Variants in CRB1 observed in about 807,000 individuals in gnomAD.
CRB1 encodes crumbs cell polarity complex component 1.
Under a neutral mutation model 120.0 loss-of-function variants are expected in CRB1, and 83 were observed. The ratio of observed to expected loss-of-function variants is 0.69; its 90% CI spans 0.58 to 0.83. The LOEUF (loss-of-function observed/expected upper bound fraction) is 0.83, where lower values mean the gene tolerates loss of function less well. Ranked by LOEUF, CRB1 falls within the 40% of genes least tolerant of loss-of-function variation. The pLI is 0.00. For missense variants in CRB1, 1,699 were observed against 1,687.6 expected, an observed-to-expected ratio of 1.01 and a Z score of -0.12; for synonymous variants, 625 against 612.5, an observed-to-expected ratio of 1.02 and a Z score of -0.30.
chr1:197,287,754 C>T lies in CRB1; in HGVS notation c.70+19272C>T, dbSNP rs118153306. Among the ~76,000 whole-genome samples the T allele has an allele frequency of 7.7e-4, 117 of 151,958 alleles. 2 individuals carry two copies. The East Asian group carries it at 0.022, about 29-fold the overall frequency. The stretch of plus-strand genomic sequence containing the variant: ...AATGATCCACCTGGAATTATTTCCT[C>T]CTTAGCTACACAAACAGGTAAAAAC... On this transcript the variant is annotated intron_variant, in intron 1 of 11. Transcript: ENST00000367400.
intron 5 of CRB1, among the ~76,000 whole-genome samples, chr1:197,416,146 T>C (rs1663989551): frequency 6.6e-6 from 1 of 152,152 alleles, no homozygotes; most frequent in Non-Finnish European, 1.5e-5. Flanking sequence ...ATCATTTAGT[T>C]TTTCACAAAT....
intron 5 of CRB1, chr1:197,364,126 A>G: frequency 2.5e-6 from 2 of 810,322 alleles, no homozygotes; most frequent in Non-Finnish European, 3.8e-6. Context: ...TGGATGGGAC[A>G]CCCAGTATGA....
chr1:197,380,426 G>A (rs905971058), intron 5 of CRB1, among the ~76,000 whole-genome samples: 1 of 152,048 alleles, frequency 6.6e-6, no homozygotes, highest in Admixed American at 6.6e-5. Flanking sequence ...ATCCAGCTGT[G>A]GTCATTCACT....
chr1:197,381,686 A>G (rs1183303524), intron 5 of CRB1, among the ~76,000 whole-genome samples: 1 of 152,242 alleles, frequency 6.6e-6, no homozygotes, highest in Non-Finnish European at 1.5e-5. Flanking sequence ...AATTTGACAG[A>G]TGACAGCATA....
intron 5 of CRB1, chr1:197,413,866 T>A (rs1461748784): frequency 8.8e-6 from 4 of 454,550 alleles, no homozygotes; most frequent in African/African-American, 8.0e-5. Flanking sequence ...AGCCCACACT[T>A]CTGGATATGG....
At chr1:197,220,529 C>T in the CRB1 span, among the ~76,000 whole-genome samples, 1 of 152,124 alleles carries the variant, frequency 6.6e-6, no homozygotes, top group Non-Finnish European at 1.5e-5. Context: ...GCTACAAGAG[C>T]TTTAGGGAGC....
At chr1:197,383,612 A>G (rs1166226759) in intron 5 of CRB1, among the ~76,000 whole-genome samples, 1 of 152,200 alleles carries the variant, frequency 6.6e-6, no homozygotes, top group African/African-American at 2.4e-5. Context: ...CCTGATATGC[A>G]GCTTCCTCCT....
chr1:197,346,533 C>A (rs1349176873), intron 3 of CRB1, among the ~76,000 whole-genome samples: 3 of 152,136 alleles, frequency 2.0e-5, no homozygotes, highest in East Asian at 3.8e-4. Flanking sequence ...GATAAAAACA[C>A]ACACAGCCAT....
intron 11 of CRB1, among the ~76,000 whole-genome samples, chr1:197,468,437 T>A (rs1289049901): frequency 6.6e-6 from 1 of 151,916 alleles, no homozygotes; most frequent in Non-Finnish European, 1.5e-5. Flanking sequence ...AGTAAGTGAA[T>A]GAAAGCATGA....
chr1:197,250,950 C>T, the CRB1 span, among the ~76,000 whole-genome samples: 1 of 152,038 alleles, frequency 6.6e-6, no homozygotes, highest in Non-Finnish European at 1.5e-5. Context: ...CATTTGTCTT[C>T]CATTCTGCCC....
At chr1:197,394,568 A>C (rs1201599024) in intron 5 of CRB1, among the ~76,000 whole-genome samples, 6 of 152,182 alleles carry the variant, frequency 3.9e-5, no homozygotes, top group Middle Eastern at 6.8e-3. Flanking sequence ...AATAAGTTAT[A>C]ATTATGTATT....
At chr1:197,357,543 A>G (rs1038844777) in intron 5 of CRB1, 5 of 194,624 alleles carry the variant, frequency 2.6e-5, no homozygotes, top group African/African-American at 9.4e-5. Context: ...TATCCAATGA[A>G]CAGTTTTGTA....
rs1665088154 is a variant in CRB1, at chr1:197,435,220, A to G, written c.3357A>G (p.Lys1119=). The change falls in exon 9 of 12, where the codon AAA becomes AAG. Residue 1119 remains lysine (K), a synonymous_variant. Transcript: ENST00000367400. The part of the protein sequence containing the change: ...YFENVHGFIN[K]PQEEQFLKIS... ...AAAATGTTCATGGTTTCATTAATAAACCTCAGGAAGAGCAATTTCTCAAAA... is the reference window on the plus strand; with the variant it reads ...AAAATGTTCATGGTTTCATTAATAAGCCTCAGGAAGAGCAATTTCTCAAAA... 6.2e-7 allele frequency: 1 copy of G among 1,613,718 alleles called. No homozygotes were observed. The highest frequency in any genetic ancestry group is 1.7e-5 in the Admixed American group (1 of 59,930).
At chr1:197,374,578 T>C (rs1433290267) in intron 5 of CRB1, among the ~76,000 whole-genome samples, 1 of 151,932 alleles carries the variant, frequency 6.6e-6, no homozygotes, top group African/African-American at 2.4e-5. Context: ...GTTGATGTTG[T>C]GGAATAGGGA....
chr1:197,435,655 C>T (rs1441894024), intron 9 of CRB1, 43 bp downstream of exon 9: 2 of 1,505,026 alleles, frequency 1.3e-6, no homozygotes, highest in East Asian at 2.3e-5. Flanking sequence ...TGAAGCTATA[C>T]TCTGCATCAC....
At chr1:197,357,224 A>G in intron 5 of CRB1, 1 of 627,554 alleles carries the variant, frequency 1.6e-6, no homozygotes, top group Non-Finnish European at 2.9e-6. Flanking sequence ...GGGATAAAGG[A>G]GGAATGAAAG....
chr1:197,435,766 G>C (rs369397423), intron 9 of CRB1, among the ~76,000 whole-genome samples, 154 bp downstream of exon 9: 2 of 152,128 alleles, frequency 1.3e-5, no homozygotes, highest in African/African-American at 4.8e-5. Context: ...GTCATGTTCA[G>C]ATGGGATCTC....
chr1:197,425,357 G>A (rs965499960), intron 6 of CRB1, among the ~76,000 whole-genome samples: 4 of 152,146 alleles, frequency 2.6e-5, no homozygotes, highest in African/African-American at 9.7e-5. Context: ...TGAAAATATA[G>A]CCTTTTATGC....
intron 5 of CRB1, among the ~76,000 whole-genome samples, chr1:197,412,681 C>T (rs116128513): frequency 0.016 from 2,366 of 152,286 alleles, 49 homozygotes; most frequent in Admixed American, 0.019. Flanking sequence ...GCTTAGGCTT[C>T]CCCACTACTA....
Sources: gnomAD v4.1 joint callset for allele counts (sites outside exome capture counted in the v4.1 genomes callset) on GRCh38, gnomAD v4.1.1 for gene constraint, MANE v1.5 for transcripts, NCBI Gene and HGNC (gene_info 2026-07-23, HGNC 2026-07-21) for gene names.